TTC29: variants seen among roughly 807,000 people sequenced by gnomAD.
TTC29 encodes tetratricopeptide repeat protein 29.
In TTC29, 49 loss-of-function variants were observed where a neutral mutation model predicts 58.1. That is an observed-to-expected ratio of 0.84 (90% CI 0.67 to 1.07). The LOEUF is 1.07. TTC29 is among the 50% of genes least tolerant of loss of function. The pLI is 0.00. For missense variants in TTC29, 582 were observed against 555.6 expected, an observed-to-expected ratio of 1.05 and a Z score of -0.48; for synonymous variants, 209 against 196.8, an observed-to-expected ratio of 1.06 and a Z score of -0.52.
At chr4:146,825,674 G>A (rs1399470790) in intron 9 of TTC29, among the ~76,000 whole-genome samples, 6 of 152,078 alleles carry the variant, frequency 3.9e-5, no homozygotes, top group East Asian at 1.9e-4. Flanking sequence ...TTTCTGTCTC[G>A]TTAATCTGCC....
chr4:146,924,554 G>C (rs139651727), intron 4 of TTC29, among the ~76,000 whole-genome samples: 1 of 151,902 alleles, frequency 6.6e-6, no homozygotes, highest in East Asian at 1.9e-4. Flanking sequence ...TTATCTCCTA[G>C]TAACACTTTA....
At chr4:146,874,997 G>C in intron 6 of TTC29, 69 bp from the exon 7 acceptor site, 1 of 1,223,216 alleles carries the variant, frequency 8.2e-7, no homozygotes, top group South Asian at 1.3e-5. Context: ...TTTTGCATAC[G>C]TTTTAGCTTT....
chr4:146,872,876 T>C (rs1471492478), intron 7 of TTC29, among the ~76,000 whole-genome samples: 1 of 152,106 alleles, frequency 6.6e-6, no homozygotes, highest in Admixed American at 6.6e-5. Flanking sequence ...ATGCCACTCC[T>C]AAGCATATAA....
chr4:146,749,033 A>G (rs79132880), intron 11 of TTC29, among the ~76,000 whole-genome samples: 7,354 of 152,154 alleles, frequency 0.048, 609 homozygotes, highest in African/African-American at 0.17. Context: ...AGAGATATAC[A>G]TTGGCTGGAT....
At chr4:146,853,225 A>C (rs1171964519) in intron 8 of TTC29, among the ~76,000 whole-genome samples, 1 of 152,144 alleles carries the variant, frequency 6.6e-6, no homozygotes, top group Non-Finnish European at 1.5e-5. Flanking sequence ...AATCTCCCCC[A>C]AAAATAGAAA....
chr4:146,888,229 G>A (rs142923509), intron 6 of TTC29, among the ~76,000 whole-genome samples: 157 of 152,234 alleles, frequency 1.0e-3, no homozygotes, highest in African/African-American at 2.5e-3. Flanking sequence ...CATCCTCTAC[G>A]TAGAACTACA....
At chr4:146,804,930 T>C (rs1176249018) in intron 10 of TTC29, among the ~76,000 whole-genome samples, 1 of 152,158 alleles carries the variant, frequency 6.6e-6, no homozygotes, top group East Asian at 1.9e-4. Flanking sequence ...CCCCCATGCC[T>C]CCTGACTGAG....
chr4:146,810,668 G>A (rs974802969), intron 10 of TTC29, among the ~76,000 whole-genome samples: 3 of 139,060 alleles, frequency 2.2e-5, no homozygotes, highest in African/African-American at 2.7e-5. Context: ...TTCAGCTCAC[G>A]CAACCTCTGT....
At chr4:146,744,096 C>A (rs1236824320) in intron 11 of TTC29, among the ~76,000 whole-genome samples, 1 of 152,220 alleles carries the variant, frequency 6.6e-6, no homozygotes, top group Non-Finnish European at 1.5e-5. Context: ...TTGATATCCT[C>A]TGAAATACTC....
intron 6 of TTC29, among the ~76,000 whole-genome samples, chr4:146,878,360 T>C (rs533510493): frequency 1.2e-4 from 19 of 152,280 alleles, no homozygotes; most frequent in Middle Eastern, 3.4e-3. Context: ...AACAGTGACC[T>C]ACTCTTTCCT....
chr4:146,930,084 CATATATATATATATATATAT>C lies in TTC29; in HGVS notation c.176+7490_176+7509del, dbSNP rs70958534. On this transcript the variant is annotated intron_variant, in intron 4 of 12. Transcript: ENST00000325106. ...CTACATATATTTGTATGTGTGTGTG[CATATATATATATATATATAT>C]ATATATATATATATACACACATATA... 2.2e-4 allele frequency among the ~76,000 whole-genome samples: 17 copies of C among 77,462 alleles called. 1 individual carries two copies. In the East Asian group the frequency reaches 3.1e-3, roughly 14 times the overall value. The allele number at this position is 77,462 out of a possible 152,430, so 50.8% of individuals were successfully genotyped here.
At chr4:146,713,651 A>G (rs1345850341) in intron 11 of TTC29, among the ~76,000 whole-genome samples, 1 of 152,138 alleles carries the variant, frequency 6.6e-6, no homozygotes, top group Admixed American at 6.6e-5. Flanking sequence ...AGGATCTGGT[A>G]TATATCAATT....
In TTC29 at chr4:146,706,940, T is replaced by C; in HGVS notation, c.*218A>G. On this transcript the variant is annotated 3_prime_UTR_variant, in exon 13 of 13. Coordinates refer to ENST00000325106, the MANE Select transcript of TTC29 (RefSeq NM_031956.4). ...AATCATTTATTTCATGGATGATTGC[T>C]GATATTTCTAAGAATTGGAATATAT... 1 of 368,588 alleles carries C rather than the reference T, an allele frequency of 2.7e-6. No homozygotes were observed. The highest frequency in any genetic ancestry group is 4.8e-6 in the Non-Finnish European group (1 of 207,268). 22.8% of individuals were successfully genotyped at this position (368,588 alleles called of 1,614,324 possible).
chr4:146,798,886 CA>C (rs70958529), intron 11 of TTC29, among the ~76,000 whole-genome samples: 584 of 18,256 alleles, frequency 0.032, 1 homozygote, highest in African/African-American at 0.068. Context: ...GACTCCGTCT[CA>C]AAAAAAAAAA....
chr4:146,904,431 T>G (rs377210729), intron 5 of TTC29, among the ~76,000 whole-genome samples: 1 of 152,170 alleles, frequency 6.6e-6, no homozygotes, highest in Non-Finnish European at 1.5e-5. Flanking sequence ...TGTAGGTTTT[T>G]TTTCCTAAAG....
chr4:146,864,882 C>T (rs749607816), intron 8 of TTC29, among the ~76,000 whole-genome samples: 6 of 150,252 alleles, frequency 4.0e-5, no homozygotes, highest in Admixed American at 1.3e-4. Context: ...TTAATTACCT[C>T]TGCATTCACA....
chr4:146,870,689 A>T (rs1730873442), intron 7 of TTC29, among the ~76,000 whole-genome samples: 1 of 151,994 alleles, frequency 6.6e-6, no homozygotes, highest in Non-Finnish European at 1.5e-5. Context: ...AATGAAAAGG[A>T]TTATAAGAGA....
chr4:146,792,484 T>C (rs1332152348), intron 11 of TTC29, among the ~76,000 whole-genome samples: 2 of 152,184 alleles, frequency 1.3e-5, no homozygotes, highest in Non-Finnish European at 2.9e-5. Context: ...TCATTGATAA[T>C]GCATCTAGGC....
At chr4:146,744,863 T>G (rs1028686001) in intron 11 of TTC29, among the ~76,000 whole-genome samples, 2 of 152,226 alleles carry the variant, frequency 1.3e-5, no homozygotes, top group Admixed American at 6.5e-5. Flanking sequence ...TAGTGTGTTA[T>G]GTAGCTTCCC....
Sources: gnomAD v4.1 joint callset for allele counts (sites outside exome capture counted in the v4.1 genomes callset) on GRCh38, gnomAD v4.1.1 for gene constraint, MANE v1.5 for transcripts, NCBI Gene and HGNC (gene_info 2026-07-23, HGNC 2026-07-21) for gene names.